Variants in ZEB2 observed in about 807,000 individuals in gnomAD.
ZEB2 encodes zinc finger E-box binding homeobox 2, also known as zinc finger E-box-binding homeobox 2.
A neutral mutation model predicts 99.9 loss-of-function variants in ZEB2; 6 were observed. The observed-to-expected ratio is 0.06, with a 90% CI of 0.03 to 0.12. The LOEUF (loss-of-function observed/expected upper bound fraction) is 0.12. Ranked by LOEUF, ZEB2 falls within the 10% of genes least tolerant of loss-of-function variation. The pLI is 1.00. For missense variants in ZEB2, 969 were observed against 1,502.8 expected (o/e 0.64, Z 5.87); for synonymous variants, 517 against 542.5 (o/e 0.95, Z 0.65).
intron 2 of ZEB2, among the ~76,000 whole-genome samples, chr2:144,430,250 T>A (rs541580994): frequency 6.6e-6 from 1 of 152,278 alleles, no homozygotes; most frequent in Non-Finnish European, 1.5e-5. Context: ...CTAAAAATGA[T>A]GGGAAATTCT....
intron 2 of ZEB2, among the ~76,000 whole-genome samples, chr2:144,508,516 CG>C (rs1267449031): frequency 6.6e-6 from 1 of 152,088 alleles, no homozygotes; most frequent in Non-Finnish European, 1.5e-5. Flanking sequence ...CACTCTTTTT[CG>C]AAACTAAATA....
intron 2 of ZEB2, among the ~76,000 whole-genome samples, chr2:144,434,477 A>G (rs1703812136): frequency 6.6e-6 from 1 of 152,186 alleles, no homozygotes; most frequent in South Asian, 2.1e-4. Context: ...CAAAGGCCGT[A>G]CAGCTAGTTG....
At chr2:144,442,509 A>C (rs1703930505) in intron 2 of ZEB2, among the ~76,000 whole-genome samples, 1 of 152,190 alleles carries the variant, frequency 6.6e-6, no homozygotes, top group Admixed American at 6.5e-5. Flanking sequence ...TATAAGAATA[A>C]GAAATCACTC....
At chr2:144,426,769 A>G (rs1285009181) in intron 3 of ZEB2, 1 of 152,158 alleles carries the variant, frequency 6.6e-6, no homozygotes, top group Non-Finnish European at 1.5e-5. Flanking sequence ...ACTTTTACCT[A>G]GAAAGTACTT....
At chr2:144,512,400 C>A (rs1705055893) in intron 2 of ZEB2, 2 of 1,287,088 alleles carry the variant, frequency 1.6e-6, no homozygotes, top group African/African-American at 3.0e-5. Context: ...TCCTTTCCTA[C>A]CTTCAGGGTA....
chr2:144,485,517 T>C (rs1444439807), intron 2 of ZEB2, among the ~76,000 whole-genome samples: 1 of 152,208 alleles, frequency 6.6e-6, no homozygotes, highest in Non-Finnish European at 1.5e-5. Context: ...TTTACATACT[T>C]GGAAAACTAA....
chr2:144,508,973 T>C (rs1704990902), intron 2 of ZEB2, among the ~76,000 whole-genome samples: 1 of 152,160 alleles, frequency 6.6e-6, no homozygotes, highest in African/African-American at 2.4e-5. Context: ...TCTATCTTTT[T>C]TTTTTCCCTT....
At chr2:144,414,948 ATGTG>A (rs34257771) in intron 4 of ZEB2, among the ~76,000 whole-genome samples, 4 of 147,900 alleles carry the variant, frequency 2.7e-5, no homozygotes, top group Admixed American at 6.6e-5. Context: ...TTCAGAGTGT[ATGTG>A]TGTGTGTGTG....
chr2:144,507,390 C>A (rs1189500226), intron 2 of ZEB2: 1 of 152,232 alleles, frequency 6.6e-6, no homozygotes, highest in African/African-American at 2.4e-5. Context: ...TGAATATGCA[C>A]ACTAACAGCT....
At position 144,422,474 on chromosome 2, in the gene ZEB2, C is replaced by T. The variant is rs146691237; in HGVS notation, c.403+2322G>A. Among the ~76,000 whole-genome samples the T allele has an allele frequency of 6.3e-4, 96 of 152,258 alleles. No individual in the cohort carries two copies. In the East Asian group the frequency reaches 0.013, roughly 20 times the overall value. On this transcript the variant is annotated intron_variant, in intron 4 of 9. Transcript: ENST00000627532. The stretch of plus-strand genomic sequence containing the variant: ...CTTCACAAAACCTGATGTGAATGCC[C>T]ATTCCATAGACTCTCTCTCACTTCT...
intron 2 of ZEB2, among the ~76,000 whole-genome samples, chr2:144,479,694 G>GGT (rs1704482160): frequency 1.2e-5 from 1 of 80,138 alleles, no homozygotes; most frequent in Non-Finnish European, 2.4e-5. Flanking sequence ...GGGGGGGGGG[G>GGT]CGGGGGGTGG....
chr2:144,424,041 A>G (rs563863539), intron 4 of ZEB2, among the ~76,000 whole-genome samples: 5 of 152,312 alleles, frequency 3.3e-5, no homozygotes, highest in Admixed American at 6.5e-5. Context: ...TCATCTAGGA[A>G]AAGAGAGATG....
At position 144,461,209 on chromosome 2, in the gene ZEB2, G is replaced by A. The variant is rs184553875; in HGVS notation, c.74-31183C>T. ...TGTGAGCGATTGCAAAGTACGGAAAGGTTTATTACCTAAGGTGAGCCCTCC... is the reference window on the plus strand; with the variant it reads ...TGTGAGCGATTGCAAAGTACGGAAAAGTTTATTACCTAAGGTGAGCCCTCC... On this transcript the variant is annotated intron_variant, in intron 2 of 9. Coordinates refer to ENST00000627532, the MANE Select transcript of ZEB2 (RefSeq NM_014795.4). The A allele has an allele frequency of 7.3e-5, 11 of 151,618 alleles. No individual in the cohort carries two copies. The East Asian group carries it at 2.1e-3, about 29-fold the overall frequency. The allele number at this position is 151,618 out of a possible 1,614,324, so 9.4% of individuals were successfully genotyped here.
chr2:144,512,361 C>A, intron 2 of ZEB2: 5 of 1,287,226 alleles, frequency 3.9e-6, no homozygotes, highest in Non-Finnish European at 5.1e-6. Context: ...TTAGAATAAA[C>A]GCGGCACTGC....
chr2:144,510,544 C>T (rs1326413262), intron 2 of ZEB2, among the ~76,000 whole-genome samples: 11 of 152,148 alleles, frequency 7.2e-5, no homozygotes, highest in Admixed American at 7.2e-4. Context: ...ATGAATAGTA[C>T]AGACATGCCA....
intron 2 of ZEB2, 125 bp downstream of exon 2, chr2:144,517,153 C>A (rs1338231474): frequency 2.6e-6 from 3 of 1,140,364 alleles, no homozygotes; most frequent in Non-Finnish European, 3.6e-6. Flanking sequence ...CGGAGGGAGG[C>A]TCGCCCTAGA....
At chr2:144,450,943 G>C (rs1490244547) in intron 2 of ZEB2, among the ~76,000 whole-genome samples, 1 of 152,288 alleles carries the variant, frequency 6.6e-6, no homozygotes, top group African/African-American at 2.4e-5. Context: ...CTCCCAAAGC[G>C]CTGGGATTAC....
intron 2 of ZEB2, chr2:144,463,333 G>A (rs1363406394): frequency 1.3e-5 from 2 of 151,820 alleles, no homozygotes; most frequent in Non-Finnish European, 2.9e-5. Context: ...GATCTAATTG[G>A]GAATATAACA....
chr2:144,487,693 C>T (rs1704618056), intron 2 of ZEB2, among the ~76,000 whole-genome samples: 1 of 152,084 alleles, frequency 6.6e-6, no homozygotes, highest in South Asian at 2.1e-4. Flanking sequence ...ATCAGGTTGG[C>T]TTTTGTTTTT....
Sources: gnomAD v4.1 joint callset for allele counts (sites outside exome capture counted in the v4.1 genomes callset) on GRCh38, gnomAD v4.1.1 for gene constraint, MANE v1.5 for transcripts, NCBI Gene and HGNC (gene_info 2026-07-23, HGNC 2026-07-21) for gene names.